Variants in SOS1 observed in about 807,000 individuals in gnomAD.
The protein encoded by SOS1 is SOS Ras/Rac guanine nucleotide exchange factor 1.
In SOS1, 25 loss-of-function variants were observed where a neutral mutation model predicts 157.6. The observed-to-expected ratio is 0.16, with a 90% CI of 0.12 to 0.22. The LOEUF (loss-of-function observed/expected upper bound fraction) is 0.22, where lower values mean the gene tolerates loss of function less well. SOS1 is among the 10% of genes least tolerant of loss of function. The pLI is 1.00. For missense variants in SOS1, 1,237 were observed against 1,599.1 expected, an observed-to-expected ratio of 0.77 and a Z score of 3.86; for synonymous variants, 528 against 534.0, an observed-to-expected ratio of 0.99 and a Z score of 0.16.
At chr2:39,058,492 C>T (rs901529009) in intron 3 of SOS1, among the ~76,000 whole-genome samples, 181 bp downstream of exon 3, 7 of 151,940 alleles carry the variant, frequency 4.6e-5, no homozygotes, top group African/African-American at 1.7e-4. Context: ...TCATGTTGCC[C>T]AGTTTATATT....
Position 39,051,278 on chromosome 2 carries a change from T to C in SOS1, c.730A>G (p.Asn244Asp), listed in dbSNP as rs1671008499. The C allele has an allele frequency of 1.2e-6, 2 of 1,611,452 alleles. No homozygotes were observed. The highest frequency in any genetic ancestry group is 1.7e-6 in the Non-Finnish European group (2 of 1,177,766). The stretch of plus-strand genomic sequence containing the variant: ...ATATCTACTATGCGACTAAATATAT[T>C]TTCTACATCCTGTTTGGGGGAAAAC... ...SKLFSANDVE[N>D]IFSRIVDIHE... Residue 244 changes from asparagine (N) to aspartate (D), a missense_variant, in exon 6 of 23, where the codon AAT (asparagine) becomes GAT (aspartate). By Grantham distance (23) the Asn-to-Asp change is conservative (BLOSUM62 1). Around this residue, in one of 15 missense-constraint regions of SOS1, gnomAD observed 108 missense variants for 115.3 expected, o/e 0.94. Transcript: ENST00000402219.
intron 1 of SOS1, among the ~76,000 whole-genome samples, chr2:39,107,223 T>C (rs892182996): frequency 2.0e-5 from 3 of 152,078 alleles, no homozygotes; most frequent in African/African-American, 7.2e-5. Context: ...CTCTCAGATC[T>C]CTGACTACAG....
chr2:38,996,685 T>A (rs1174678516), intron 19 of SOS1, among the ~76,000 whole-genome samples: 5 of 152,148 alleles, frequency 3.3e-5, no homozygotes, highest in African/African-American at 1.2e-4. Flanking sequence ...GTAAAAAAAA[T>A]TAAAAACTTA....
At chr2:38,997,516 CA>C in intron 17 of SOS1, 91 bp from the exon 18 acceptor site, 1 of 807,130 alleles carries the variant, frequency 1.2e-6, no homozygotes, top group Non-Finnish European at 2.0e-6. Flanking sequence ...TACACTGTAC[CA>C]TCTCAGTTGC....
chr2:39,023,486 T>C, intron 9 of SOS1, among the ~76,000 whole-genome samples: 1 of 152,066 alleles, frequency 6.6e-6, no homozygotes, highest in East Asian at 1.9e-4. Context: ...ATTTCTATCT[T>C]GGCTACTAAA....
chr2:39,025,811 C>A (rs1371102448), intron 8 of SOS1, among the ~76,000 whole-genome samples: 1 of 152,168 alleles, frequency 6.6e-6, no homozygotes, highest in Non-Finnish European at 1.5e-5. Flanking sequence ...CATGCACATA[C>A]CACATGCACT....
rs1668496961 is a variant in SOS1, at chr2:38,984,575, G to A, written c.*1249C>T. On this transcript the variant is annotated 3_prime_UTR_variant, in exon 23 of 23. Coordinates refer to ENST00000402219, the MANE Select transcript of SOS1 (RefSeq NM_005633.4). The stretch of plus-strand genomic sequence containing the variant: ...TCCTATATGCCAAGCTGTGACTTTA[G>A]ATCATTCTTTAAGATTAATACATAT... 6.6e-6 allele frequency: 1 copy of A among 152,076 alleles called. No individual in the cohort carries two copies. The highest frequency in any genetic ancestry group is 6.6e-5 in the Admixed American group (1 of 15,262). The allele number at this position is 152,076 out of a possible 1,614,324, so 9.4% of individuals were successfully genotyped here. A position where few individuals can be genotyped will look rare whatever the true frequency, so the allele number is the denominator to read the frequency against.
intron 1 of SOS1, among the ~76,000 whole-genome samples, chr2:39,106,167 C>A (rs945969041): frequency 8.7e-5 from 12 of 138,432 alleles, no homozygotes; most frequent in African/African-American, 3.3e-4. Flanking sequence ...CTGCAGTGAG[C>A]TGAGACTGTG....
chr2:39,043,479 C>A (rs1480002106), intron 6 of SOS1, among the ~76,000 whole-genome samples: 1 of 152,128 alleles, frequency 6.6e-6, no homozygotes, highest in African/African-American at 2.4e-5. Flanking sequence ...TTCATTGTAA[C>A]AATTTGCAAA....
At position 38,988,208 on chromosome 2, in the gene SOS1, G is replaced by C. The variant is rs574724445; in HGVS notation, c.3392-617C>G. 1.5e-4 allele frequency among the ~76,000 whole-genome samples: 23 copies of C among 152,234 alleles called. No homozygotes were observed. In the South Asian group the frequency reaches 4.8e-3, roughly 32 times the overall value. On this transcript the variant is annotated intron_variant, in intron 21 of 22. Transcript: ENST00000402219. ...TACTCTAAATCCAAAAATTTTAACG[G>C]TGATGGCACTATTCAAGACAACGGA...
upstream of SOS1, among the ~76,000 whole-genome samples, chr2:39,121,281 T>A (rs1673885844): frequency 6.6e-6 from 1 of 151,902 alleles, no homozygotes; most frequent in African/African-American, 2.4e-5. Context: ...GGCTCCCCAT[T>A]GTGTGGCCTG....
At chr2:39,010,756 ATT>A in intron 14 of SOS1, 53 bp from the exon 15 acceptor site, 1 of 1,416,584 alleles carries the variant, frequency 7.1e-7, no homozygotes, top group Non-Finnish European at 1.0e-6. Context: ...TAATATAGAC[ATT>A]GTTTTATTAA....
intron 1 of SOS1, among the ~76,000 whole-genome samples, chr2:39,084,606 T>C (rs1013521314): frequency 6.6e-6 from 1 of 152,164 alleles, no homozygotes; most frequent in African/African-American, 2.4e-5. Flanking sequence ...TATGTCTATG[T>C]GTATATAAAA....
intron 1 of SOS1, among the ~76,000 whole-genome samples, chr2:39,077,528 A>G (rs1044829395): frequency 6.6e-6 from 1 of 152,176 alleles, no homozygotes; most frequent in Admixed American, 6.5e-5. Context: ...AGAAGAGCCA[A>G]GAACAACTAA....
chr2:39,108,275 C>T (rs1311799076), intron 1 of SOS1, among the ~76,000 whole-genome samples: 9 of 152,220 alleles, frequency 5.9e-5, no homozygotes, highest in Non-Finnish European at 1.2e-4. Flanking sequence ...TTCCTGCCTA[C>T]AGTTCAGTTC....
In SOS1 at chr2:39,120,975, C is replaced by T. The variant is rs1230556024; in HGVS notation, c.-553G>A. 2 of 176,220 alleles carry T rather than the reference C, an allele frequency of 1.1e-5. No homozygotes were observed. The highest frequency in any genetic ancestry group is 4.8e-5 in the African/African-American group (2 of 41,698). The allele number at this position is 176,220 out of a possible 1,614,324, so 10.9% of individuals were successfully genotyped here. On this transcript the variant is annotated 5_prime_UTR_variant, in exon 1 of 23. Transcript: ENST00000402219. ...GGAATCTGGCTGCCCTGAGGTGCCGCCGCGGCCGCCGCCGCCACCGCCGCC... is the reference window on the plus strand; with the variant it reads ...GGAATCTGGCTGCCCTGAGGTGCCGTCGCGGCCGCCGCCGCCACCGCCGCC...
intron 19 of SOS1, among the ~76,000 whole-genome samples, chr2:38,995,935 A>G (rs1484945038): frequency 6.6e-6 from 1 of 152,176 alleles, no homozygotes; most frequent in African/African-American, 2.4e-5. Flanking sequence ...TTATATACCT[A>G]TTTATAATTT....
chr2:39,096,869 G>C (rs1003501560), intron 1 of SOS1, among the ~76,000 whole-genome samples: 7 of 150,360 alleles, frequency 4.7e-5, no homozygotes, highest in African/African-American at 1.7e-4. Flanking sequence ...CTGGGCAACA[G>C]AGCGAGACTC....
At position 38,985,774 on chromosome 2, in the gene SOS1, C is replaced by A. The variant is rs776236114; in HGVS notation, c.*50G>T. ...GCTGGCACATTCAGTGCATCCATTG[C>A]CAGCAATGGATTTGGGGCTAGGAAA... On this transcript the variant is annotated 3_prime_UTR_variant, in exon 23 of 23. Coordinates refer to ENST00000402219, the MANE Select transcript of SOS1 (RefSeq NM_005633.4). 1 of 1,608,868 alleles carries A rather than the reference C, an allele frequency of 6.2e-7. No homozygotes were observed. The highest frequency in any genetic ancestry group is 1.7e-5 in the Admixed American group (1 of 59,872).
Sources: allele counts gnomAD v4.1 joint callset (sites outside exome capture counted in the v4.1 genomes callset), GRCh38; gene constraint gnomAD v4.1.1; regional missense constraint gnomAD v4.1.1; transcripts MANE v1.5; gene names NCBI Gene and HGNC (gene_info 2026-07-23, HGNC 2026-07-21).